Variants in PRKCZ observed in about 807,000 individuals in gnomAD.
PRKCZ encodes the protein protein kinase C zeta type.
Under a neutral mutation model 79.5 loss-of-function variants are expected in PRKCZ, and 33 were observed. That is an observed-to-expected ratio of 0.41 (90% CI 0.31 to 0.55). PRKCZ has a LOEUF of 0.55. PRKCZ is among the 20% of genes least tolerant of loss of function. PRKCZ has a pLI of 0.19. For missense variants in PRKCZ, 578 were observed against 813.5 expected (o/e 0.71, Z 3.52); for synonymous variants, 342 against 320.9 (o/e 1.07, Z -0.70).
At chr1:2,087,952 C>T (rs539412540) in intron 4 of PRKCZ, among the ~76,000 whole-genome samples, 30 of 152,342 alleles carry the variant, frequency 2.0e-4, no homozygotes, top group African/African-American at 5.1e-4. Flanking sequence ...GCTGGGACGG[C>T]GTGAGGGACA....
At chr1:2,157,844 T>C (rs1184466090) in intron 10 of PRKCZ, among the ~76,000 whole-genome samples, 1 of 151,814 alleles carries the variant, frequency 6.6e-6, no homozygotes. Flanking sequence ...TGCCTGGCGG[T>C]CATGCAGAAG....
intron 3 of PRKCZ, among the ~76,000 whole-genome samples, chr1:2,058,502 C>T (rs1571096706): frequency 6.6e-6 from 1 of 152,140 alleles, no homozygotes; most frequent in Non-Finnish European, 1.5e-5. Context: ...ATAGATGTGC[C>T]TAATCTAGTC....
chr1:2,049,470 T>A (rs1659469302), upstream of PRKCZ: 1 of 152,164 alleles, frequency 6.6e-6, no homozygotes. Context: ...AGGCACGACC[T>A]GCGGGATGAA....
intron 8 of PRKCZ, among the ~76,000 whole-genome samples, chr1:2,150,235 C>T (rs1012823356): frequency 6.6e-6 from 1 of 152,100 alleles, no homozygotes; most frequent in African/African-American, 2.4e-5. Flanking sequence ...CCGCCTCCTC[C>T]ACCCCGACCT....
chr1:2,071,101 G>A (rs1008608664), intron 4 of PRKCZ, among the ~76,000 whole-genome samples: 2 of 131,510 alleles, frequency 1.5e-5, no homozygotes, highest in African/African-American at 6.2e-5. Flanking sequence ...TCAGGGGGGC[G>A]CCTGCACTGC....
chr1:2,073,600 C>G lies in PRKCZ; in HGVS notation c.334+14009C>G, dbSNP rs558138277. 1.3e-5 allele frequency: 13 copies of G among 987,348 alleles called. No individual in the cohort carries two copies. The South Asian group carries it at 5.6e-4, about 43-fold the overall frequency. The allele number at this position is 987,348 out of a possible 1,614,324, so 61.2% of individuals were successfully genotyped here. On this transcript the variant is annotated intron_variant, in intron 4 of 17. Coordinates refer to ENST00000378567, the MANE Select transcript of PRKCZ (RefSeq NM_002744.6). Reference sequence around the variant, plus strand: ...TCTGGACTGTGCTGATGCAGAGATGCTTGTTTTCCTGTGACGTCAGCGTCA... The same window carrying G: ...TCTGGACTGTGCTGATGCAGAGATGGTTGTTTTCCTGTGACGTCAGCGTCA...
At chr1:2,077,615 A>T (rs530661054) in intron 4 of PRKCZ, among the ~76,000 whole-genome samples, 1 of 152,172 alleles carries the variant, frequency 6.6e-6, no homozygotes, top group African/African-American at 2.4e-5. Flanking sequence ...CATATTTTCT[A>T]TTGTAAGGTG....
In PRKCZ at chr1:2,173,559, A is replaced by C. The variant is rs555642455; in HGVS notation, c.1286-338A>C. Reference sequence around the variant, plus strand: ...GTTACTGCAGCGAAAGGGCTTCTTCAAGCTTAGTTCTGTAGAAGCAGAAAC... The same window carrying C: ...GTTACTGCAGCGAAAGGGCTTCTTCCAGCTTAGTTCTGTAGAAGCAGAAAC... On this transcript the variant is annotated intron_variant, in intron 13 of 17. Transcript: ENST00000378567. The surrounding 1 kb of genome is among the most constrained non-coding windows in gnomAD (Gnocchi z 5.7). Among the ~76,000 whole-genome samples the C allele has an allele frequency of 6.6e-6, 1 of 152,336 alleles. No homozygotes were observed. The highest frequency in any genetic ancestry group is 2.4e-5 in the African/African-American group (1 of 41,574).
chr1:2,050,215 C>T (rs549654116), upstream of PRKCZ: 583 of 152,042 alleles, frequency 3.8e-3, 17 homozygotes, highest in Admixed American at 0.032. Flanking sequence ...CGCAGGTGCG[C>T]CGCGCCCCGC....
intron 1 of PRKCZ, 100 bp from the exon 2 acceptor site, chr1:2,055,341 T>A: frequency 7.1e-7 from 1 of 1,414,986 alleles, no homozygotes; most frequent in East Asian, 2.4e-5. Flanking sequence ...TGGGGAAAGT[T>A]TCATTTATCT....
chr1:2,082,741 G>T lies in PRKCZ; in HGVS notation c.334+23150G>T, dbSNP rs1324976440. ...GATGTCAGGAGACCTGGTTCCATTT[G>T]TTTTTTTGCCTGAGCGTCCGGGGGT... On this transcript the variant is annotated intron_variant, in intron 4 of 17. Coordinates refer to ENST00000378567, the MANE Select transcript of PRKCZ (RefSeq NM_002744.6). This position sits in a 1 kb window ranked among gnomAD's most constrained non-coding sequence, Gnocchi z 4.4. 7.0e-6 allele frequency among the ~76,000 whole-genome samples: 1 copy of T among 143,002 alleles called. No homozygotes were observed. Among genetic ancestry groups the T allele is most frequent in the East Asian group, 2.4e-4 (1 of 4,140 alleles). The allele number at this position is 143,002 out of a possible 152,430, so 93.8% of individuals were successfully genotyped here.
chr1:2,137,489 C>T (rs1378111897), intron 5 of PRKCZ, among the ~76,000 whole-genome samples: 1 of 152,236 alleles, frequency 6.6e-6, no homozygotes, highest in Non-Finnish European at 1.5e-5. Flanking sequence ...TGCCGCAGGG[C>T]TGCGCCCTCC....
chr1:2,068,657 C>T (rs1426822113), intron 4 of PRKCZ, among the ~76,000 whole-genome samples: 2 of 152,234 alleles, frequency 1.3e-5, no homozygotes, highest in South Asian at 2.1e-4. Flanking sequence ...ATCCTCAACG[C>T]ACCACAGTTG....
intron 4 of PRKCZ, among the ~76,000 whole-genome samples, chr1:2,104,090 T>A (rs2102618365): frequency 6.6e-6 from 1 of 151,908 alleles, no homozygotes; most frequent in East Asian, 2.0e-4. Flanking sequence ...TCTTCCAGGA[T>A]GGTCCAGAAA....
At chr1:2,116,727 G>T (rs956388290) in intron 4 of PRKCZ, among the ~76,000 whole-genome samples, 3 of 151,996 alleles carry the variant, frequency 2.0e-5, no homozygotes, top group Non-Finnish European at 2.9e-5. Context: ...TCCAATTTGG[G>T]GTTTTTAGTT....
intron 4 of PRKCZ, among the ~76,000 whole-genome samples, chr1:2,123,628 G>C (rs796145352): frequency 1.5e-4 from 1 of 6,606 alleles, no homozygotes; most frequent in South Asian, 5.3e-3. Flanking sequence ...GGGTCACGGC[G>C]GTGGTTAGGG....
intron 4 of PRKCZ, among the ~76,000 whole-genome samples, chr1:2,078,232 C>T (rs760321284): frequency 7.2e-5 from 11 of 152,208 alleles, no homozygotes; most frequent in East Asian, 3.8e-4. Context: ...GCTTAATGTC[C>T]GGTTAAGACC....
intron 4 of PRKCZ, among the ~76,000 whole-genome samples, chr1:2,117,321 C>T (rs1670945101): frequency 1.3e-5 from 2 of 151,710 alleles, no homozygotes; most frequent in Non-Finnish European, 1.5e-5. Context: ...AAATGATTCC[C>T]TGGTATTTCA....
In PRKCZ at chr1:2,059,522, C is replaced by G. The variant is rs138003534; in HGVS notation, c.284-19C>G. 1.9e-5 allele frequency: 31 copies of G among 1,614,090 alleles called. No individual in the cohort carries two copies. The African/African-American group carries it at 2.9e-4, about 15-fold the overall frequency. ...CAGCCGCAGGGTCTTGACGCTGTCT[C>G]TTTCTCTCTCTTGTCCAGTTTTCCC... On this transcript the variant is annotated intron_variant, in intron 3 of 17. Transcript: ENST00000378567.
Sources: allele counts gnomAD v4.1 joint callset (sites outside exome capture counted in the v4.1 genomes callset), GRCh38; gene constraint gnomAD v4.1.1; non-coding constraint Gnocchi (gnomAD v3.1); transcripts MANE v1.5; gene names NCBI Gene and HGNC (gene_info 2026-07-23, HGNC 2026-07-21).